The following DAB1 variants were observed in gnomAD, a reference collection of about 807,000 sequenced individuals.
The protein encoded by DAB1 is disabled homolog 1.
In DAB1, 15 loss-of-function variants were observed where a neutral mutation model predicts 64.6. The ratio of observed to expected loss-of-function variants is 0.23; its 90% CI spans 0.16 to 0.36. DAB1 has a LOEUF of 0.36. DAB1 is among the 10% of genes least tolerant of loss of function. The pLI is 1.00. For missense variants in DAB1, 596 were observed against 706.7 expected (o/e 0.84, Z 1.78); for synonymous variants, 235 against 251.9 (o/e 0.93, Z 0.64).
intron 2 of DAB1, among the ~76,000 whole-genome samples, chr1:57,168,106 TG>T (rs2100911924): frequency 1.3e-5 from 2 of 152,338 alleles, no homozygotes; most frequent in South Asian, 4.1e-4. Flanking sequence ...TATGGTCTAC[TG>T]GTCTACCTGT....
rs373882698 is a variant in DAB1, at chr1:57,819,620, C to A, written n.551+64379G>T. Among the ~76,000 whole-genome samples, 3 of 152,312 alleles carry A rather than the reference C, an allele frequency of 2.0e-5. No individual in the cohort carries two copies. The South Asian group carries it at 6.2e-4, about 32-fold the overall frequency. ...TTCATTTCCCATAAAGAGAGGCGGT[C>A]ATCTTTCCTGAGGAGTCTGAAATTC... On this transcript the variant is annotated intron_variant and non_coding_transcript_variant, in intron 6 of 20. Transcript: ENST00000485760.
chr1:58,371,795 T>C (rs1310580858), intron 3 of DAB1, among the ~76,000 whole-genome samples: 2 of 152,168 alleles, frequency 1.3e-5, no homozygotes, highest in African/African-American at 4.8e-5. Flanking sequence ...GCTCCAGCCA[T>C]TGCTTCAAAG....
At chr1:58,401,222 C>T (rs1467025953) in intron 3 of DAB1, among the ~76,000 whole-genome samples, 1 of 152,192 alleles carries the variant, frequency 6.6e-6, no homozygotes, top group African/African-American at 2.4e-5. Context: ...CTGGAAGACC[C>T]AAGTGTGATC....
chr1:58,266,822 C>T (rs1318548730), intron 4 of DAB1, among the ~76,000 whole-genome samples: 1 of 152,038 alleles, frequency 6.6e-6, no homozygotes, highest in Non-Finnish European at 1.5e-5. Context: ...TAGGTATCGT[C>T]CAAAGAAGAT....
intron 5 of DAB1, among the ~76,000 whole-genome samples, chr1:57,985,171 G>C (rs1346172285): frequency 6.6e-6 from 1 of 152,206 alleles, no homozygotes; most frequent in African/African-American, 2.4e-5. Flanking sequence ...GCCTCCCAAA[G>C]TGCTGGGGTC....
At chr1:57,233,294 G>C (rs6667097) in intron 2 of DAB1, among the ~76,000 whole-genome samples, 4,029 of 65,980 alleles carry the variant, frequency 0.061, 122 homozygotes, top group Admixed American at 0.14. Context: ...ACGGAGTCTC[G>C]CTCTGTCGCC....
chr1:57,628,315 G>A (rs10789051), intron 7 of DAB1, among the ~76,000 whole-genome samples: 73,349 of 152,046 alleles, frequency 0.48, 18,627 homozygotes, highest in East Asian at 0.69. Flanking sequence ...TTTAGAGGTC[G>A]GGCTGAAGTC....
At chr1:57,960,646 G>GT (rs951623097) in intron 5 of DAB1, among the ~76,000 whole-genome samples, 3 of 152,236 alleles carry the variant, frequency 2.0e-5, no homozygotes, top group African/African-American at 7.2e-5. Flanking sequence ...GGAAATGGCT[G>GT]TAAGTGCTAG....
At chr1:58,329,854 A>G (rs1274216377) in intron 4 of DAB1, among the ~76,000 whole-genome samples, 1 of 152,148 alleles carries the variant, frequency 6.6e-6, no homozygotes, top group Non-Finnish European at 1.5e-5. Context: ...ACTGCCCACC[A>G]CTGGCCATTC....
At chr1:57,389,372 C>T (rs1682147461) in intron 1 of DAB1, among the ~76,000 whole-genome samples, 2 of 152,116 alleles carry the variant, frequency 1.3e-5, no homozygotes, top group African/African-American at 2.4e-5. Flanking sequence ...TTCTGCATGC[C>T]GTAGCCCCTG....
intron 5 of DAB1, among the ~76,000 whole-genome samples, chr1:58,025,861 A>G (rs1007459258): frequency 6.6e-6 from 1 of 151,608 alleles, no homozygotes; most frequent in Non-Finnish European, 1.5e-5. Context: ...ATCTCTCATC[A>G]CATTCATTCA....
At chr1:57,260,950 G>A (rs1258246435) in intron 2 of DAB1, among the ~76,000 whole-genome samples, 1 of 152,142 alleles carries the variant, frequency 6.6e-6, no homozygotes, top group African/African-American at 2.4e-5. Flanking sequence ...CTTCTGCTGT[G>A]GCCTTGGGCA....
chr1:57,570,721 T>G (rs1645184714), intron 7 of DAB1, among the ~76,000 whole-genome samples: 1 of 152,162 alleles, frequency 6.6e-6, no homozygotes, highest in East Asian at 1.9e-4. Flanking sequence ...TTATTTTTTA[T>G]AGTTCTGTGA....
At chr1:58,033,899 T>A (rs531896476) in intron 5 of DAB1, among the ~76,000 whole-genome samples, 49 of 152,182 alleles carry the variant, frequency 3.2e-4, no homozygotes, top group African/African-American at 1.1e-3. Context: ...CCATGCATAG[T>A]GCTATGATAT....
chr1:58,097,113 C>T (rs1651032761), intron 5 of DAB1, among the ~76,000 whole-genome samples: 1 of 152,210 alleles, frequency 6.6e-6, no homozygotes, highest in Admixed American at 6.5e-5. Flanking sequence ...TAGTAATTGA[C>T]AACATTTATG....
At chr1:57,590,035 A>G (rs1169369790) in intron 7 of DAB1, among the ~76,000 whole-genome samples, 2 of 152,146 alleles carry the variant, frequency 1.3e-5, no homozygotes, top group Non-Finnish European at 2.9e-5. Flanking sequence ...GAGATATCAT[A>G]AAAAATAACC....
chr1:57,637,042 C>T (rs1253517866), intron 7 of DAB1, among the ~76,000 whole-genome samples: 1 of 152,096 alleles, frequency 6.6e-6, no homozygotes, highest in African/African-American at 2.4e-5. Flanking sequence ...CTTCAGTATG[C>T]AGGGGCTTTT....
At chr1:57,060,125 T>TTTTTA (rs71051217) in intron 9 of DAB1, among the ~76,000 whole-genome samples, 4,859 of 135,936 alleles carry the variant, frequency 0.036, 173 homozygotes, top group African/African-American at 0.084. Context: ...ATTCATATAT[T>TTTTTA]TTTTATTTTA....
Position 57,071,562 on chromosome 1 carries a change from T to C in DAB1, c.518A>G (p.Lys173Arg). ...TTCACACTGCTTATCCTTTTGTGCC[T>C]TTTTTTCTAATTCTTCTCTTTGCTT... The part of the protein sequence containing the change: ...ELKQREELEK[K>R]AQKDKQCEQA... The change falls in exon 6 of 15, where the codon AAG becomes AGG. Residue 173 changes from lysine (K) to arginine (R), a missense_variant. By Grantham distance (26) the Lys-to-Arg change is conservative. Coordinates refer to ENST00000371236, the MANE Select transcript of DAB1 (RefSeq NM_001365792.1). The C allele has an allele frequency of 6.2e-7, 1 of 1,611,922 alleles. No homozygotes were observed. Among genetic ancestry groups the C allele is most frequent in the Non-Finnish European group, 8.5e-7 (1 of 1,178,868 alleles).
Sources: allele counts gnomAD v4.1 joint callset (sites outside exome capture counted in the v4.1 genomes callset), GRCh38; gene constraint gnomAD v4.1.1; transcripts MANE v1.5; gene names NCBI Gene and HGNC (gene_info 2026-07-23, HGNC 2026-07-21).